Variants in ARHGAP26 observed in about 807,000 individuals in gnomAD.
The protein encoded by ARHGAP26 is Rho GTPase activating protein 26, also known as rho GTPase-activating protein 26.
A neutral mutation model predicts 104.8 loss-of-function variants in ARHGAP26; 38 were observed. The ratio of observed to expected loss-of-function variants is 0.36; its 90% CI spans 0.28 to 0.48. The LOEUF (loss-of-function observed/expected upper bound fraction) is 0.48. Among genes scored for constraint, ARHGAP26 ranks in the 20% least tolerant of loss-of-function variants. The pLI, the probability that ARHGAP26 is intolerant of heterozygous loss-of-function variation, is 0.99. For missense variants in ARHGAP26, 704 were observed against 947.9 expected, an observed-to-expected ratio of 0.74 and a Z score of 3.38; for synonymous variants, 341 against 340.0, an observed-to-expected ratio of 1.00 and a Z score of -0.03.
chr5:142,981,712 C>T (rs1245824138), intron 11 of ARHGAP26, among the ~76,000 whole-genome samples: 1 of 152,198 alleles, frequency 6.6e-6, no homozygotes, highest in Non-Finnish European at 1.5e-5. Context: ...TTAATTGCGT[C>T]TTCCTTCCTG....
intron 20 of ARHGAP26, among the ~76,000 whole-genome samples, chr5:143,183,073 C>CA (rs70991799): frequency 0.38 from 33,849 of 89,730 alleles, 5,086 homozygotes; most frequent in East Asian, 0.57. Flanking sequence ...TGAAAAGTGG[C>CA]AAAAAAAAAA....
intron 11 of ARHGAP26, among the ~76,000 whole-genome samples, chr5:142,943,125 T>G (rs1050444070): frequency 5.3e-5 from 8 of 149,900 alleles, no homozygotes; most frequent in Non-Finnish European, 7.5e-5. Flanking sequence ...GTTGTTTTTT[T>G]GTTTGTCTTT....
At chr5:143,182,940 C>T (rs1173742888) in intron 20 of ARHGAP26, among the ~76,000 whole-genome samples, 1 of 151,988 alleles carries the variant, frequency 6.6e-6, no homozygotes, top group Non-Finnish European at 1.5e-5. Context: ...TTGGTGCTAC[C>T]AGTTGGGAAG....
intron 1 of ARHGAP26, among the ~76,000 whole-genome samples, chr5:142,800,416 A>C (rs1275501172): frequency 6.9e-6 from 1 of 145,692 alleles, no homozygotes; most frequent in Non-Finnish European, 1.5e-5. Context: ...GTCACCCAGG[A>C]TGGAGTGCAA....
intron 20 of ARHGAP26, among the ~76,000 whole-genome samples, chr5:143,179,202 C>T (rs530031825): frequency 6.6e-6 from 1 of 152,286 alleles, no homozygotes; most frequent in East Asian, 1.9e-4. Flanking sequence ...ACATGATTAT[C>T]AGACATTAAT....
intron 1 of ARHGAP26, among the ~76,000 whole-genome samples, chr5:142,779,840 T>C (rs562574635): frequency 2.0e-5 from 3 of 152,352 alleles, no homozygotes; most frequent in African/African-American, 4.8e-5. Context: ...TTATCACACT[T>C]GTGGGTCAGG....
chr5:142,931,900 G>T (rs556151076), intron 10 of ARHGAP26, 147 bp from the exon 11 acceptor site: 15 of 702,050 alleles, frequency 2.1e-5, no homozygotes, highest in Non-Finnish European at 3.5e-5. Context: ...GTAGAAGGTG[G>T]CTTAGTAAAG....
At position 143,089,823 on chromosome 5, in the gene ARHGAP26, G is replaced by C. The variant is rs975218858; in HGVS notation, c.1539-31165G>C. 4.6e-5 allele frequency among the ~76,000 whole-genome samples: 7 copies of C among 152,150 alleles called. 1 individual carries two copies. The highest frequency in any genetic ancestry group is 1.7e-4 in the African/African-American group (7 of 41,422). On this transcript the variant is annotated intron_variant, in intron 17 of 22. Transcript: ENST00000645722. ...GGACTCTAATTGTGTCTAAATAGAC[G>C]TAAGAGTTGAAAGACCCATAAGGGC...
At chr5:143,041,520 T>G (rs934592451) in intron 13 of ARHGAP26, 3 of 278,846 alleles carry the variant, frequency 1.1e-5, no homozygotes, top group Non-Finnish European at 2.2e-5. Context: ...TTTTGCATCT[T>G]TTAGAACTCT....
At chr5:142,885,496 A>C (rs886614033) in intron 5 of ARHGAP26, 97 bp downstream of exon 5, 6 of 1,085,032 alleles carry the variant, frequency 5.5e-6, no homozygotes, top group Non-Finnish European at 6.6e-6. Context: ...TCTTAGGGTT[A>C]GAAGGGACCT....
chr5:142,907,739 A>G lies in ARHGAP26; in HGVS notation c.868A>G (p.Thr290Ala), dbSNP rs1308211359. The G allele has an allele frequency of 1.9e-6, 3 of 1,611,860 alleles. No individual in the cohort carries two copies. The highest frequency in any genetic ancestry group is 1.3e-5 in the African/African-American group (1 of 75,012). ...FGTSWVKHYC[T>A]YQRDSKQITM... ...AACTTCTTGGGTGAAGCACTACTGTACATATCAACGGGATTCCAAACAAAT... is the reference window on the plus strand; with the variant it reads ...AACTTCTTGGGTGAAGCACTACTGTGCATATCAACGGGATTCCAAACAAAT... The change falls in exon 9 of 23, where the codon ACA (threonine) becomes GCA (alanine). Residue 290 changes from threonine (T) to alanine (A), a missense_variant. By Grantham distance (58) the Thr-to-Ala change is moderately conservative (BLOSUM62 0). Coordinates refer to ENST00000645722, the MANE Select transcript of ARHGAP26 (RefSeq NM_001135608.3).
intron 20 of ARHGAP26, among the ~76,000 whole-genome samples, chr5:143,197,199 A>T (rs1599470385): frequency 6.6e-6 from 1 of 152,218 alleles, no homozygotes; most frequent in African/African-American, 2.4e-5. Context: ...CTTCCAGTGT[A>T]CACATAACAC....
chr5:143,054,472 T>C lies in ARHGAP26; in HGVS notation c.1319T>C (p.Ile440Thr). 6.2e-7 allele frequency: 1 copy of C among 1,613,522 alleles called. No homozygotes were observed. The change falls in exon 15 of 23, where the codon ATC (isoleucine) becomes ACC (threonine). Residue 440 changes from isoleucine to threonine, a missense_variant. This residue lies in a region of ARHGAP26 where 287 missense variants were observed against 438.8 expected (regional missense o/e 0.65). Transcript: ENST00000645722. Reference protein sequence around the residue: ...PKTASETETDICAEWEIKTIT... With the variant: ...PKTASETETDTCAEWEIKTIT... ...ACTGCTTCTGAGACAGAAACAGATATCTGTGCTGAATGGGAGATAAAGACC... is the reference window on the plus strand; with the variant it reads ...ACTGCTTCTGAGACAGAAACAGATACCTGTGCTGAATGGGAGATAAAGACC...
Position 142,949,506 on chromosome 5 carries a change from G to C in ARHGAP26, c.1107+17381G>C, listed in dbSNP as rs1222279091. On this transcript the variant is annotated intron_variant, in intron 11 of 22. Transcript: ENST00000645722. The stretch of plus-strand genomic sequence containing the variant: ...ATCAGAATCAGTGTTTGGAAGTTCA[G>C]ATCAATTTTACCCAGAAGGTAGGCT... 2.0e-5 allele frequency among the ~76,000 whole-genome samples: 3 copies of C among 152,122 alleles called. No homozygotes were observed. The East Asian group carries it at 5.8e-4, about 29-fold the overall frequency.
intron 1 of ARHGAP26, among the ~76,000 whole-genome samples, chr5:142,830,515 G>T (rs1281853682): frequency 1.3e-5 from 2 of 152,138 alleles, no homozygotes; most frequent in Non-Finnish European, 2.9e-5. Flanking sequence ...TAATTGTGAT[G>T]ACCTCTGAGT....
At chr5:142,857,880 A>G (rs1477804254) in intron 1 of ARHGAP26, among the ~76,000 whole-genome samples, 1 of 152,144 alleles carries the variant, frequency 6.6e-6, no homozygotes, top group African/African-American at 2.4e-5. Flanking sequence ...CTTATTGTGC[A>G]TAGGAATCAT....
At chr5:142,838,181 C>T (rs1769984487) in intron 1 of ARHGAP26, among the ~76,000 whole-genome samples, 1 of 151,884 alleles carries the variant, frequency 6.6e-6, no homozygotes, top group African/African-American at 2.4e-5. Context: ...TTGCTTGAAC[C>T]CAGGAGGCAA....
intron 17 of ARHGAP26, among the ~76,000 whole-genome samples, chr5:143,070,494 A>G (rs1366654124): frequency 6.6e-6 from 1 of 152,254 alleles, no homozygotes; most frequent in Non-Finnish European, 1.5e-5. Flanking sequence ...CTGATGACAG[A>G]AATTGAAGAG....
chr5:143,208,507 C>T (rs1224946307), intron 21 of ARHGAP26, among the ~76,000 whole-genome samples: 1 of 152,226 alleles, frequency 6.6e-6, no homozygotes, highest in Non-Finnish European at 1.5e-5. Flanking sequence ...CCACTAGGCA[C>T]TTACACATCT....
Sources: gnomAD v4.1 joint callset for allele counts (sites outside exome capture counted in the v4.1 genomes callset) on GRCh38, gnomAD v4.1.1 for gene constraint, gnomAD v4.1.1 regional missense constraint, MANE v1.5 for transcripts, NCBI Gene and HGNC (gene_info 2026-07-23, HGNC 2026-07-21) for gene names.